VIPAS39: variants seen among roughly 807,000 people sequenced by gnomAD.
VIPAS39 encodes the protein spermatogenesis-defective protein 39 homolog.
Under a neutral mutation model 84.7 loss-of-function variants are expected in VIPAS39, and 63 were observed. The observed-to-expected ratio is 0.74, with a 90% CI of 0.61 to 0.92. The LOEUF (loss-of-function observed/expected upper bound fraction) is 0.92. Among genes scored for constraint, VIPAS39 ranks in the 40% least tolerant of loss-of-function variants. VIPAS39 has a pLI of 0.00. For missense variants in VIPAS39, 499 were observed against 604.5 expected (o/e 0.83, Z 1.83); for synonymous variants, 192 against 216.5 (o/e 0.89, Z 0.99).
rs145125162 is a variant in VIPAS39, at chr14:77,441,642, C to A, written c.735-549G>T. Among the ~76,000 whole-genome samples the A allele has an allele frequency of 2.2e-3, 341 of 152,268 alleles. 1 individual carries two copies. Among genetic ancestry groups the A allele is most frequent in the Non-Finnish European group, 3.6e-3 (248 of 68,022 alleles). On this transcript the variant is annotated intron_variant, in intron 10 of 19. Transcript: ENST00000557658. ...GGGAGGGAAGGAAGGAGGGAGGAAGCAGCCAGCCTCTGTGACCATGTCTTC... is the reference window on the plus strand; with the variant it reads ...GGGAGGGAAGGAAGGAGGGAGGAAGAAGCCAGCCTCTGTGACCATGTCTTC...
At chr14:77,453,810 GA>G (rs199800463) in intron 2 of VIPAS39, among the ~76,000 whole-genome samples, 199 bp downstream of exon 2, 1 of 150,560 alleles carries the variant, frequency 6.6e-6, no homozygotes, top group Admixed American at 6.6e-5. Flanking sequence ...TTCTTCAAAA[GA>G]AAAAAAAACC....
chr14:77,457,106 A>C, intron 1 of VIPAS39: 1 of 1,412,022 alleles, frequency 7.1e-7, no homozygotes, highest in Non-Finnish European at 9.2e-7. Context: ...GAGAAGTCAG[A>C]CTTGGTTTCA....
At position 77,427,389 on chromosome 14, in the gene VIPAS39, G is replaced by T. The variant is rs1594887719; in HGVS notation, c.*227C>A. ...ACTCCCACCTTCATATGAGCACCAG[G>T]TGGAGAGAATCATTCTCATGACTCA... is the stretch of plus-strand genomic sequence containing the variant. On this transcript the variant is annotated 3_prime_UTR_variant, in exon 20 of 20. Transcript: ENST00000557658. 1.7e-6 allele frequency: 1 copy of T among 587,174 alleles called. No homozygotes were observed. Among genetic ancestry groups the T allele is most frequent in the South Asian group, 2.1e-5 (1 of 48,716 alleles). 36.4% of individuals were successfully genotyped at this position (587,174 alleles called of 1,614,324 possible).
rs1174755039 is a variant in VIPAS39 at position 77,426,961 on chromosome 14, T to C, written c.*655A>G. ...TCTTGGCCAGCAGTAGAGGAAGAGATAAAGGGGATGTCTCATCACCCAAGC... is the reference window on the plus strand; with the variant it reads ...TCTTGGCCAGCAGTAGAGGAAGAGACAAAGGGGATGTCTCATCACCCAAGC... On this transcript the variant is annotated 3_prime_UTR_variant, in exon 20 of 20. Transcript: ENST00000557658. 1 of 152,444 alleles carries C rather than the reference T, an allele frequency of 6.6e-6. No homozygotes were observed. The highest frequency in any genetic ancestry group is 1.5e-5 in the Non-Finnish European group (1 of 68,340). 9.4% of individuals were successfully genotyped at this position (152,444 alleles called of 1,614,324 possible).
chr14:77,448,531 C>T lies in VIPAS39; in HGVS notation c.467G>A (p.Ser156Asn), dbSNP rs754618039. 2.4e-5 allele frequency: 39 copies of T among 1,614,124 alleles called. No homozygotes were observed. The East Asian group carries it at 8.7e-4, about 36-fold the overall frequency. The change falls in exon 7 of 20, where the codon AGC (serine) becomes AAC (asparagine). Residue 156 changes from serine to asparagine, a missense_variant. Ser to Asn is a conservative substitution (Grantham distance 46, BLOSUM62 1). Transcript: ENST00000557658. The stretch of plus-strand genomic sequence containing the variant: ...GAGACGTCGCACTGTATCACTGGGG[C>T]TCCAGTCATTGCTGTAATCCTGGAA... The part of the protein sequence containing the change: ...GEYRDYSNDW[S>N]PSDTVRRLRK...
intron 1 of VIPAS39, among the ~76,000 whole-genome samples, chr14:77,455,619 T>C (rs1490725039): frequency 6.6e-6 from 1 of 152,228 alleles, no homozygotes; most frequent in Non-Finnish European, 1.5e-5. Flanking sequence ...CTAAACAGCA[T>C]CAAGTTCTAA....
intron 7 of VIPAS39, among the ~76,000 whole-genome samples, chr14:77,447,182 C>T (rs1032843529): frequency 6.6e-5 from 10 of 151,832 alleles, no homozygotes; most frequent in East Asian, 3.9e-4. Context: ...TGTGCCACCA[C>T]GCCCAGCTAA....
At chr14:77,443,278 A>T in intron 8 of VIPAS39, 126 bp from the exon 9 acceptor site, 2 of 1,144,890 alleles carry the variant, frequency 1.7e-6, no homozygotes, top group Non-Finnish European at 2.6e-6. Context: ...TCTGTATGTG[A>T]TGCAAGGAAA....
intron 1 of VIPAS39, 78 bp downstream of exon 1, chr14:77,457,417 G>C (rs1487391207): frequency 2.0e-6 from 3 of 1,534,274 alleles, no homozygotes; most frequent in Non-Finnish European, 2.6e-6. Flanking sequence ...ATGCCTCCTA[G>C]AAGAGGGGAA....
chr14:77,441,413 T>C (rs2078701807), intron 10 of VIPAS39, among the ~76,000 whole-genome samples: 1 of 152,084 alleles, frequency 6.6e-6, no homozygotes, highest in Non-Finnish European at 1.5e-5. Flanking sequence ...TCTCTGTCAA[T>C]ACAATCTTGA....
At chr14:77,452,597 T>C (rs1174118961) in intron 3 of VIPAS39, among the ~76,000 whole-genome samples, 1 of 151,904 alleles carries the variant, frequency 6.6e-6, no homozygotes, top group Non-Finnish European at 1.5e-5. Context: ...CTGGCCAACA[T>C]GGTAAAACTC....
At chr14:77,449,238 T>C (rs1304269698) in intron 6 of VIPAS39, 55 bp downstream of exon 6, 31 of 1,559,932 alleles carry the variant, frequency 2.0e-5, no homozygotes, top group Non-Finnish European at 2.7e-5. Flanking sequence ...AGGTAACATA[T>C]GTCAAGGTAC....
At chr14:77,457,156 A>T in intron 1 of VIPAS39, 1 of 1,442,360 alleles carries the variant, frequency 6.9e-7, no homozygotes, top group Non-Finnish European at 9.1e-7. Flanking sequence ...GAGGCTTGTG[A>T]ACTGAGACCA....
At chr14:77,439,971 C>T (rs1040052390) in intron 11 of VIPAS39, among the ~76,000 whole-genome samples, 8 of 152,184 alleles carry the variant, frequency 5.3e-5, no homozygotes, top group Non-Finnish European at 8.8e-5. Context: ...CAGACATGAC[C>T]TCCCAGACTT....
intron 1 of VIPAS39, 31 bp from the exon 2 acceptor site, chr14:77,454,133 T>C (rs2139900784): frequency 6.2e-7 from 1 of 1,601,764 alleles, no homozygotes; most frequent in Non-Finnish European, 8.6e-7. Context: ...ACATTGCCCC[T>C]TTCTGGGTCT....
chr14:77,445,249 A>ACCCCTGGCCCTGGCCTCTCACTCT, intron 7 of VIPAS39, among the ~76,000 whole-genome samples: 1 of 152,152 alleles, frequency 6.6e-6, no homozygotes, highest in Non-Finnish European at 1.5e-5. Flanking sequence ...GTGAGCCACC[A>ACCCCTGGCCCTGGCCTCTCACTCT]TGCCCAGCCA....
intron 16 of VIPAS39, among the ~76,000 whole-genome samples, chr14:77,431,728 CT>C (rs1378721405): frequency 6.6e-6 from 1 of 152,138 alleles, no homozygotes; most frequent in Non-Finnish European, 1.5e-5. Context: ...ATCAATCTTT[CT>C]TTTGGGTATA....
chr14:77,429,768 C>G lies in VIPAS39; in HGVS notation c.1180-1G>C. 3 of 1,614,154 alleles carry G rather than the reference C, an allele frequency of 1.9e-6. No individual in the cohort carries two copies. Among genetic ancestry groups the G allele is most frequent in the Non-Finnish European group, 2.5e-6 (3 of 1,180,002 alleles). ...TCTTCTTGGTATAGCCCAGCCAGTTCTGAAAGAGGAAGATGGGGTAGCGGC... is the reference window on the plus strand; with the variant it reads ...TCTTCTTGGTATAGCCCAGCCAGTTGTGAAAGAGGAAGATGGGGTAGCGGC... On this transcript the variant is annotated splice_acceptor_variant, in intron 16 of 19. Coordinates refer to ENST00000557658, the MANE Select transcript of VIPAS39 (RefSeq NM_001193315.2). LOFTEE classifies it high-confidence loss of function.
intron 4 of VIPAS39, 57 bp downstream of exon 4, chr14:77,451,130 A>G (rs1594924791): frequency 1.2e-6 from 2 of 1,611,686 alleles, no homozygotes; most frequent in East Asian, 4.5e-5. Flanking sequence ...ATTATGGCCT[A>G]AGATTTTTCT....
Sources: allele counts gnomAD v4.1 joint callset (sites outside exome capture counted in the v4.1 genomes callset), GRCh38; gene constraint gnomAD v4.1.1; transcripts MANE v1.5; gene names NCBI Gene and HGNC (gene_info 2026-07-23, HGNC 2026-07-21).